Variants in CLDN1 observed in about 807,000 individuals in gnomAD.
The protein encoded by CLDN1 is claudin 1, also known as claudin-1.
Under a neutral mutation model 22.6 loss-of-function variants are expected in CLDN1, and 12 were observed. The ratio of observed to expected loss-of-function variants is 0.53; its 90% CI spans 0.34 to 0.86. The LOEUF is 0.86. Ranked by LOEUF, CLDN1 falls within the 40% of genes least tolerant of loss-of-function variation. The pLI is 0.02. For synonymous variants in CLDN1, 99 were observed against 103.8 expected, an observed-to-expected ratio of 0.95 and a Z score of 0.28; for missense variants, 250 against 269.5, an observed-to-expected ratio of 0.93 and a Z score of 0.51.
chr3:190,311,267 G>A (rs184251749), intron 2 of CLDN1, among the ~76,000 whole-genome samples: 242 of 152,308 alleles, frequency 1.6e-3, no homozygotes, highest in Non-Finnish European at 1.3e-3. Flanking sequence ...CATCCTCATC[G>A]TCTTCCAAGC....
At chr3:190,308,696 CT>C (rs1362797170) in intron 3 of CLDN1, among the ~76,000 whole-genome samples, 9 of 152,034 alleles carry the variant, frequency 5.9e-5, no homozygotes, top group Admixed American at 5.9e-4. Context: ...ATTCCAAGGA[CT>C]TTTCCATATA....
At position 190,306,497 on chromosome 3, in the gene CLDN1, C is replaced by G. The variant is rs553123863; in HGVS notation, c.*1780G>C. 2 of 152,424 alleles carry G rather than the reference C, an allele frequency of 1.3e-5. No homozygotes were observed. The highest frequency in any genetic ancestry group is 4.1e-4 in the South Asian group (2 of 4,828). 9.4% of individuals were successfully genotyped at this position (152,424 alleles called of 1,614,324 possible). The stretch of plus-strand genomic sequence containing the variant: ...TTTTTAAATTACAAAACCACACTTA[C>G]ATGTATTCTATCTCACTGGATCCCC... On this transcript the variant is annotated 3_prime_UTR_variant, in exon 4 of 4. Transcript: ENST00000295522.
chr3:190,314,199 T>C (rs1167189707), intron 1 of CLDN1, among the ~76,000 whole-genome samples: 1 of 152,188 alleles, frequency 6.6e-6, no homozygotes, highest in Non-Finnish European at 1.5e-5. Context: ...TCTTTAAAAG[T>C]GGCTGAGATG....
chr3:190,313,295 A>T (rs576988084), intron 1 of CLDN1: 2 of 471,524 alleles, frequency 4.2e-6, no homozygotes, highest in Non-Finnish European at 7.7e-6. Context: ...TTCAAAATCA[A>T]CTGGAAAATT....
Position 190,306,217 on chromosome 3 carries a change from C to T in CLDN1, c.*2060G>A, listed in dbSNP as rs559483779. ...TCTCCCTTGCTGTTGGATTTACCAACACGTAGGCTTTTATTTCTTCCCATT... is the reference window on the plus strand; with the variant it reads ...TCTCCCTTGCTGTTGGATTTACCAATACGTAGGCTTTTATTTCTTCCCATT... On this transcript the variant is annotated 3_prime_UTR_variant, in exon 4 of 4. Coordinates refer to ENST00000295522, the MANE Select transcript of CLDN1 (RefSeq NM_021101.5). The T allele has an allele frequency of 6.6e-5, 10 of 152,204 alleles. No homozygotes were observed. Among genetic ancestry groups the T allele is most frequent in the Non-Finnish European group, 1.5e-4 (10 of 68,034 alleles). 9.4% of individuals were successfully genotyped at this position (152,204 alleles called of 1,614,324 possible). A position where few individuals can be genotyped will look rare whatever the true frequency, so the allele number is the denominator to read the frequency against.
At chr3:190,312,027 T>C (rs1435555925) in intron 2 of CLDN1, among the ~76,000 whole-genome samples, 1 of 151,648 alleles carries the variant, frequency 6.6e-6, no homozygotes, top group Admixed American at 6.6e-5. Context: ...GGCTCCCGAG[T>C]TGAGGTGATT....
Position 190,306,528 on chromosome 3 carries a change from A to C in CLDN1, c.*1749T>G, listed in dbSNP as rs1314721045. 6.6e-6 allele frequency: 1 copy of C among 152,460 alleles called. No homozygotes were observed. Among genetic ancestry groups the C allele is most frequent in the Non-Finnish European group, 1.5e-5 (1 of 68,038 alleles). 9.4% of individuals were successfully genotyped at this position (152,460 alleles called of 1,614,324 possible). On this transcript the variant is annotated 3_prime_UTR_variant, in exon 4 of 4. Transcript: ENST00000295522. ...TTCTATCTCACTGGATCCCCACAAC[A>C]TCACTGTGAGGTGGGAAGATCAGGA... is the stretch of plus-strand genomic sequence containing the variant.
chr3:190,308,229 G>C lies in CLDN1; in HGVS notation c.*48C>G. 6.2e-7 allele frequency: 1 copy of C among 1,601,844 alleles called. No homozygotes were observed. The highest frequency in any genetic ancestry group is 8.6e-7 in the Non-Finnish European group (1 of 1,169,424). ...CTAATGTTAATGATAGTATCTCAAT[G>C]TCCATTTTCGGTTTGTTTCAACATG... On this transcript the variant is annotated 3_prime_UTR_variant, in exon 4 of 4. Coordinates refer to ENST00000295522, the MANE Select transcript of CLDN1 (RefSeq NM_021101.5).
At position 190,307,517 on chromosome 3, in the gene CLDN1, G is replaced by A. The variant is rs998556618; in HGVS notation, c.*760C>T. 6.6e-6 allele frequency: 1 copy of A among 152,156 alleles called. No individual in the cohort carries two copies. The allele number at this position is 152,156 out of a possible 1,614,324, so 9.4% of individuals were successfully genotyped here. A position where few individuals can be genotyped will look rare whatever the true frequency, so the allele number is the denominator to read the frequency against. ...AGGTCAACAGGAATTTATCACTTTGGTCATGCAGAAAGATTTGCCTCCAAA... is the reference window on the plus strand; with the variant it reads ...AGGTCAACAGGAATTTATCACTTTGATCATGCAGAAAGATTTGCCTCCAAA... On this transcript the variant is annotated 3_prime_UTR_variant, in exon 4 of 4. Transcript: ENST00000295522.
In CLDN1 at chr3:190,308,294, C is replaced by T. The variant is rs141397566; in HGVS notation, c.619G>A (p.Gly207Arg). 3.4e-5 allele frequency: 55 copies of T among 1,613,656 alleles called. No individual in the cohort carries two copies. Among genetic ancestry groups the T allele is most frequent in the Non-Finnish European group, 3.8e-5 (45 of 1,179,832 alleles). The change falls in exon 4 of 4, where the codon GGG (glycine) becomes AGG (arginine). Residue 207 changes from glycine (G) to arginine (R), a missense_variant. Physicochemically the swap from Gly to Arg is moderately radical, Grantham distance 125. Coordinates refer to ENST00000295522, the MANE Select transcript of CLDN1 (RefSeq NM_021101.5). Reference sequence around the variant, plus strand: ...CCTCTGTGTCACACGTAGTCTTTCCCGCTGGAAGGTGCAGGTTTTGGATAG... The same window carrying T: ...CCTCTGTGTCACACGTAGTCTTTCCTGCTGGAAGGTGCAGGTTTTGGATAG... ...RPYPKPAPSS[G>R]KDYV
chr3:190,319,662 C>T (rs997826548), intron 1 of CLDN1, among the ~76,000 whole-genome samples: 2 of 152,166 alleles, frequency 1.3e-5, no homozygotes, highest in Non-Finnish European at 2.9e-5. Context: ...GGTACAATTT[C>T]GGGAAACCCA....
intron 1 of CLDN1, 52 bp downstream of exon 1, chr3:190,321,932 G>T (rs978119963): frequency 7.1e-7 from 1 of 1,405,900 alleles, no homozygotes; most frequent in Non-Finnish European, 1.0e-6. Flanking sequence ...TAAGGGAGCT[G>T]CAGGGGGACT....
Position 190,308,016 on chromosome 3 carries a change from G to T in CLDN1, c.*261C>A, listed in dbSNP as rs1043747. The T allele has an allele frequency of 0.62, 252,905 of 406,692 alleles. 81,018 individuals are homozygous for T. The highest frequency in any genetic ancestry group is 0.83 in the African/African-American group (40,865 of 49,134). 25.2% of individuals were successfully genotyped at this position (406,692 alleles called of 1,614,324 possible). ...TATTTAAGGAGCACCCCTTCCCCCA[G>T]TTGAGTATGATTACTCAATGGGAAG... On this transcript the variant is annotated 3_prime_UTR_variant, in exon 4 of 4. Coordinates refer to ENST00000295522, the MANE Select transcript of CLDN1 (RefSeq NM_021101.5).
intron 1 of CLDN1, among the ~76,000 whole-genome samples, chr3:190,320,504 G>T (rs1716890775): frequency 6.6e-6 from 1 of 152,082 alleles, no homozygotes. Context: ...TAAACTTATG[G>T]ATTGGTTTTG....
intron 1 of CLDN1, among the ~76,000 whole-genome samples, chr3:190,319,860 T>C (rs1716871153): frequency 6.6e-6 from 1 of 152,158 alleles, no homozygotes; most frequent in African/African-American, 2.4e-5. Context: ...GGCAGAGAAA[T>C]GAAGTAAGGT....
At position 190,322,051 on chromosome 3, in the gene CLDN1, C is replaced by A; in HGVS notation, c.156G>T (p.Met52Ile). ...TAQAMYEGLWMSCVSQSTGQI... is the reference protein window; with the variant it reads ...TAQAMYEGLWISCVSQSTGQI... ...GCCCGGTGCTCTGCGACACGCAGGA[C>A]ATCCACAGCCCCTCGTACATGGCCT... The change falls in exon 1 of 4, where the codon ATG becomes ATT. Residue 52 changes from methionine (M) to isoleucine (I), a missense_variant. Transcript: ENST00000295522. The A allele has an allele frequency of 6.2e-7, 1 of 1,614,220 alleles. No homozygotes were observed. The highest frequency in any genetic ancestry group is 8.5e-7 in the Non-Finnish European group (1 of 1,180,040).
intron 2 of CLDN1, among the ~76,000 whole-genome samples, chr3:190,312,324 T>A (rs1716645616): frequency 6.6e-6 from 1 of 152,330 alleles, no homozygotes; most frequent in South Asian, 2.1e-4. Context: ...CCTAACTGCT[T>A]TAAACTGACC....
At chr3:190,316,888 T>C (rs956363313) in intron 1 of CLDN1, among the ~76,000 whole-genome samples, 2 of 152,236 alleles carry the variant, frequency 1.3e-5, no homozygotes, top group Non-Finnish European at 2.9e-5. Context: ...AAAATCTTGC[T>C]ACTAAAAGCC....
Position 190,322,370 on chromosome 3 carries a change from T to A in CLDN1, c.-164A>T. 1.5e-6 allele frequency: 1 copy of A among 681,708 alleles called. No homozygotes were observed. The highest frequency in any genetic ancestry group is 2.6e-6 in the Non-Finnish European group (1 of 391,894). The allele number at this position is 681,708 out of a possible 1,614,324, so 42.2% of individuals were successfully genotyped here. On this transcript the variant is annotated 5_prime_UTR_variant, in exon 1 of 4. Coordinates refer to ENST00000295522, the MANE Select transcript of CLDN1 (RefSeq NM_021101.5). ...CCGCTGGAGAAGCTCTGGGTCGGGG[T>A]TGGGGTCCGCGCCCGGGGCGGCGCT...
Sources: allele counts gnomAD v4.1 joint callset (sites outside exome capture counted in the v4.1 genomes callset), GRCh38; gene constraint gnomAD v4.1.1; transcripts MANE v1.5; gene names NCBI Gene and HGNC (gene_info 2026-07-23, HGNC 2026-07-21).